The following RAB4B variants were observed in gnomAD, a reference collection of about 807,000 sequenced individuals.
RAB4B encodes the protein ras-related protein Rab-4B.
A neutral mutation model predicts 28.3 loss-of-function variants in RAB4B; 15 were observed. The ratio of observed to expected loss-of-function variants is 0.53; its 90% CI spans 0.35 to 0.82. The LOEUF (loss-of-function observed/expected upper bound fraction) is 0.82, where lower values mean the gene tolerates loss of function less well. RAB4B is among the 40% of genes least tolerant of loss of function. RAB4B has a pLI of 0.01. For synonymous variants in RAB4B, 108 were observed against 116.3 expected (o/e 0.93, Z 0.46); for missense variants, 244 against 288.5 (o/e 0.85, Z 1.12).
At chr19:40,783,147 C>CAAAAAA (rs1168587843) in intron 3 of RAB4B, among the ~76,000 whole-genome samples, 1,089 of 30,186 alleles carry the variant, frequency 0.036, 5 homozygotes, top group Non-Finnish European at 0.06. Context: ...GATTCCTACT[C>CAAAAAA]AAAAAAAAAA....
rs1281177336 is a variant in RAB4B at position 40,783,171 on chromosome 19, A to AT, written c.213-607_213-606insT. The stretch of plus-strand genomic sequence containing the variant: ...TCAAAAAAAAAAAAAAAAAAAAAAA[A>AT]AGAAAAAGGAAAAAGACACATAGGT... On this transcript the variant is annotated intron_variant, in intron 3 of 7. Transcript: ENST00000357052. Among the ~76,000 whole-genome samples, 96 of 133,204 alleles carry AT rather than the reference A, an allele frequency of 7.2e-4. 1 individual carries two copies. The highest frequency in any genetic ancestry group is 1.3e-3 in the African/African-American group (43 of 33,680). The allele number at this position is 133,204 out of a possible 152,430, so 87.4% of individuals were successfully genotyped here. A position where few individuals can be genotyped will look rare whatever the true frequency, so the allele number is the denominator to read the frequency against.
At chr19:40,783,650 C>T (rs954668627) in intron 3 of RAB4B, 128 bp from the exon 4 acceptor site, 2 of 835,424 alleles carry the variant, frequency 2.4e-6, no homozygotes, top group Admixed American at 3.5e-5. Flanking sequence ...CCGACCAAGG[C>T]CAGGTTTTGG....
chr19:40,783,894 C>A, intron 4 of RAB4B, 27 bp from the exon 5 acceptor site: 1 of 1,590,290 alleles, frequency 6.3e-7, no homozygotes, highest in Non-Finnish European at 8.6e-7. Flanking sequence ...TCCTGCACTG[C>A]CTCCCTCCCT....
chr19:40,780,215 CT>C, intron 2 of RAB4B, 116 bp downstream of exon 2: 1 of 1,494,824 alleles, frequency 6.7e-7, no homozygotes, highest in East Asian at 2.3e-5. Flanking sequence ...CCAGTGCTGG[CT>C]TTTTGGTCCT....
chr19:40,793,461 G>A (rs957694883), intron 7 of RAB4B, among the ~76,000 whole-genome samples: 2 of 151,186 alleles, frequency 1.3e-5, no homozygotes, highest in South Asian at 2.1e-4. Flanking sequence ...GGCTGGTCTC[G>A]AACTCCTGAG....
rs1228978306 is a variant in RAB4B at position 40,780,478 on chromosome 19, C to T, written c.191C>T (p.Thr64Met). 1.9e-6 allele frequency: 3 copies of T among 1,613,658 alleles called. No homozygotes were observed. The highest frequency in any genetic ancestry group is 2.2e-5 in the East Asian group (1 of 44,852). Reference protein sequence around the residue: ...GKTVKLQIWDTAGQERFRSVT... With the variant: ...GKTVKLQIWDMAGQERFRSVT... ...ACTGTGAAGCTACAGATTTGGGACA[C>T]GGCTGGCCAGGAGCGGTTTCGGTAG... Residue 64 changes from threonine to methionine, a missense_variant, in exon 3 of 8, where the codon ACG becomes ATG. Transcript: ENST00000357052.
intron 7 of RAB4B, chr19:40,792,188 C>G (rs1447343684): frequency 6.6e-6 from 1 of 152,286 alleles, no homozygotes; most frequent in East Asian, 1.9e-4. Flanking sequence ...AGGATGATGT[C>G]TTCAGACAGT....
Position 40,786,556 on chromosome 19 carries a change from G to A in RAB4B, c.431-109G>A, listed in dbSNP as rs1343396491. ...GCATGCGCAGAGGCCTGAGGTGAGG[G>A]TAAGGGGGGATGGAACATTGGAGGA... On this transcript the variant is annotated intron_variant, in intron 5 of 7. Coordinates refer to ENST00000357052, the MANE Select transcript of RAB4B (RefSeq NM_016154.5). 4.0e-6 allele frequency: 6 copies of A among 1,518,658 alleles called. No homozygotes were observed. In the African/African-American group the frequency reaches 8.3e-5, roughly 21 times the overall value. The allele number at this position is 1,518,658 out of a possible 1,614,324, so 94.1% of individuals were successfully genotyped here. A position where few individuals can be genotyped will look rare whatever the true frequency, so the allele number is the denominator to read the frequency against.
At chr19:40,786,497 A>G in intron 5 of RAB4B, 168 bp from the exon 6 acceptor site, 1 of 961,380 alleles carries the variant, frequency 1.0e-6, no homozygotes, top group Admixed American at 2.5e-5. Flanking sequence ...CTGGGTGGGC[A>G]TATCGGGAAG....
At position 40,786,718 on chromosome 19, in the gene RAB4B, TTCC is replaced by T; in HGVS notation, c.487_489del (p.Leu163del). ...CACAGGCGAGAACGTGGAGGAGGCGTTCCTCAAGTGTGCCCGCACTATCCTCAA... is the reference window on the plus strand; with the variant it reads ...CACAGGCGAGAACGTGGAGGAGGCGTTCAAGTGTGCCCGCACTATCCTCAA... On this transcript the variant is annotated inframe_deletion, in exon 6 of 8. Coordinates refer to ENST00000357052, the MANE Select transcript of RAB4B (RefSeq NM_016154.5). 1 of 1,613,980 alleles carries T rather than the reference TTCC, an allele frequency of 6.2e-7. No individual in the cohort carries two copies. The highest frequency in any genetic ancestry group is 8.5e-7 in the Non-Finnish European group (1 of 1,179,968).
chr19:40,782,555 G>A (rs748801597), intron 3 of RAB4B, among the ~76,000 whole-genome samples: 1 of 152,222 alleles, frequency 6.6e-6, no homozygotes, highest in African/African-American at 2.4e-5. Flanking sequence ...GCTCACGCCT[G>A]TAATCCCAGC....
chr19:40,779,940 G>T (rs984490887), intron 1 of RAB4B, 79 bp from the exon 2 acceptor site: 1 of 1,608,460 alleles, frequency 6.2e-7, no homozygotes. Flanking sequence ...TAGAGAGAGA[G>T]ATTGGATTGG....
chr19:40,778,933 A>G, intron 1 of RAB4B: 7 of 985,976 alleles, frequency 7.1e-6, no homozygotes, highest in Non-Finnish European at 8.4e-6. Flanking sequence ...GTGGAAAATC[A>G]GTAGGGATGC....
At chr19:40,787,029 G>A in intron 7 of RAB4B, 51 bp downstream of exon 7, 2 of 1,450,252 alleles carry the variant, frequency 1.4e-6, no homozygotes, top group Non-Finnish European at 1.9e-6. Flanking sequence ...GGGCATGGGG[G>A]AGATGGTGTG....
intron 7 of RAB4B, among the ~76,000 whole-genome samples, chr19:40,792,929 C>T (rs2083172239): frequency 6.6e-6 from 1 of 152,032 alleles, no homozygotes; most frequent in Non-Finnish European, 1.5e-5. Context: ...TACAGGCATG[C>T]ACCACCACAC....
chr19:40,784,474 CAG>C (rs2145046088), intron 5 of RAB4B, among the ~76,000 whole-genome samples: 1 of 150,934 alleles, frequency 6.6e-6, no homozygotes, highest in South Asian at 2.1e-4. Flanking sequence ...GTCTGGGAGA[CAG>C]AGCAAGACAC....
chr19:40,791,858 TC>T (rs1294712101), intron 7 of RAB4B, among the ~76,000 whole-genome samples: 1 of 152,068 alleles, frequency 6.6e-6, no homozygotes, highest in African/African-American at 2.4e-5. Flanking sequence ...GCTCACAAAC[TC>T]CTGGCCTCAA....
At chr19:40,790,155 G>T (rs1289681285) in intron 7 of RAB4B, among the ~76,000 whole-genome samples, 1 of 152,162 alleles carries the variant, frequency 6.6e-6, no homozygotes, top group Non-Finnish European at 1.5e-5. Flanking sequence ...ATTCAGGGGT[G>T]CAGAGAGTTC....
intron 1 of RAB4B, 131 bp downstream of exon 1, chr19:40,778,522 G>A: frequency 2.1e-6 from 2 of 956,282 alleles, no homozygotes; most frequent in South Asian, 4.5e-5. Flanking sequence ...AGTGGATGCT[G>A]GGAGGGGTTT....
Sources: gnomAD v4.1 joint callset for allele counts (sites outside exome capture counted in the v4.1 genomes callset) on GRCh38, gnomAD v4.1.1 for gene constraint, MANE v1.5 for transcripts, NCBI Gene and HGNC (gene_info 2026-07-23, HGNC 2026-07-21) for gene names.